SLC30A8: variants seen among roughly 807,000 people sequenced by gnomAD.
SLC30A8 encodes solute carrier family 30 member 8, also known as proton-coupled zinc antiporter SLC30A8.
SLC30A8 carries 27 observed loss-of-function variants against 36.9 expected under a neutral mutation model. The ratio of observed to expected loss-of-function variants is 0.73; its 90% confidence interval spans 0.54 to 1.01. The LOEUF is 1.01. SLC30A8 is among the 50% of genes least tolerant of loss of function. SLC30A8 has a pLI of 0.00. For missense variants in SLC30A8, 439 were observed against 452.0 expected (o/e 0.97, Z 0.26); for synonymous variants, 164 against 172.4 (o/e 0.95, Z 0.38).
chr8:117,046,817 C>T (rs1399659719), intron 2 of SLC30A8, among the ~76,000 whole-genome samples: 2 of 152,228 alleles, frequency 1.3e-5, no homozygotes, highest in African/African-American at 2.4e-5. Flanking sequence ...ATAAATTATG[C>T]CTTCCCATGA....
chr8:117,017,189 A>G (rs1278917737), intron 1 of SLC30A8, among the ~76,000 whole-genome samples: 2 of 152,200 alleles, frequency 1.3e-5, no homozygotes, highest in Non-Finnish European at 2.9e-5. Context: ...CCAGGCACAA[A>G]GTAAATGCAA....
chr8:117,113,616 C>A (rs1409201440), intron 2 of SLC30A8, among the ~76,000 whole-genome samples: 1 of 152,132 alleles, frequency 6.6e-6, no homozygotes, highest in East Asian at 1.9e-4. Flanking sequence ...GCATTCTTAT[C>A]TCTACCATTC....
At chr8:117,152,856 T>C in intron 2 of SLC30A8, 88 bp from the exon 3 acceptor site, 1 of 1,105,616 alleles carries the variant, frequency 9.0e-7, no homozygotes, top group Non-Finnish European at 1.2e-6. Context: ...TGTGAGTCTG[T>C]GGCATTTTCA....
chr8:116,951,855 A>G (rs1814003530), intron 1 of SLC30A8, among the ~76,000 whole-genome samples: 1 of 152,026 alleles, frequency 6.6e-6, no homozygotes, highest in African/African-American at 2.4e-5. Flanking sequence ...GTAGGACAAT[A>G]AACCTGAAAA....
At chr8:117,108,790 A>G (rs572235244) in intron 2 of SLC30A8, among the ~76,000 whole-genome samples, 1 of 152,306 alleles carries the variant, frequency 6.6e-6, no homozygotes. Context: ...TTCAGAATTG[A>G]GCAACAGGAT....
chr8:116,996,116 A>G (rs1362595056), intron 1 of SLC30A8, among the ~76,000 whole-genome samples: 1 of 152,154 alleles, frequency 6.6e-6, no homozygotes, highest in Non-Finnish European at 1.5e-5. Context: ...AAATTCCTTT[A>G]CCATCCACAC....
intron 2 of SLC30A8, among the ~76,000 whole-genome samples, chr8:117,080,120 T>G (rs983791466): frequency 1.3e-5 from 2 of 152,190 alleles, no homozygotes; most frequent in Non-Finnish European, 1.5e-5. Flanking sequence ...CACCCTATCT[T>G]TCTTAACCTG....
intron 2 of SLC30A8, among the ~76,000 whole-genome samples, chr8:117,069,199 C>T (rs1430768154): frequency 6.6e-6 from 1 of 152,006 alleles, no homozygotes; most frequent in African/African-American, 2.4e-5. Flanking sequence ...ATCCCATCTA[C>T]ATTTCAGTTG....
chr8:117,070,212 T>C (rs1001800072), intron 2 of SLC30A8, among the ~76,000 whole-genome samples: 1 of 152,222 alleles, frequency 6.6e-6, no homozygotes, highest in African/African-American at 2.4e-5. Flanking sequence ...AGATTTTTTT[T>C]TCTCTCATGA....
chr8:117,017,307 A>G (rs181501002), intron 1 of SLC30A8, among the ~76,000 whole-genome samples: 1 of 152,270 alleles, frequency 6.6e-6, no homozygotes, highest in East Asian at 1.9e-4. Flanking sequence ...CTTGTGTTCT[A>G]ATATCAACCT....
chr8:116,969,409 T>G (rs1473763287), intron 1 of SLC30A8, among the ~76,000 whole-genome samples: 1 of 152,164 alleles, frequency 6.6e-6, no homozygotes, highest in Non-Finnish European at 1.5e-5. Context: ...TACCTGATGT[T>G]TCTGTGCCTG....
chr8:117,040,350 A>C lies in SLC30A8; in HGVS notation c.-226+1092A>C, dbSNP rs143067742. Among the ~76,000 whole-genome samples, 19 of 152,346 alleles carry C rather than the reference A, an allele frequency of 1.2e-4. 1 individual carries two copies. Among genetic ancestry groups the C allele is most frequent in the Admixed American group, 5.9e-4 (9 of 15,312 alleles). On this transcript the variant is annotated intron_variant, in intron 2 of 10. Coordinates refer to the SLC30A8 transcript ENST00000427715. ...AACATGAGATTCCTTTTGGGTGAGC[A>C]AAATAAAACAGGCCATGCAAAACTA...
Position 117,080,200 on chromosome 8 carries a change from A to G in SLC30A8, c.-226+40942A>G, listed in dbSNP as rs1032365267. 4.6e-5 allele frequency among the ~76,000 whole-genome samples: 7 copies of G among 152,184 alleles called. No individual in the cohort carries two copies. In the South Asian group the frequency reaches 8.3e-4, roughly 18 times the overall value. ...TTTACTCTTGTTTTACAAATAATCC[A>G]TGGTCATTATAGAAAAAGTAGAGCA... is the stretch of plus-strand genomic sequence containing the variant. On this transcript the variant is annotated intron_variant, in intron 2 of 10. Coordinates refer to the SLC30A8 transcript ENST00000427715.
chr8:117,067,298 C>T (rs1193418170), intron 2 of SLC30A8, among the ~76,000 whole-genome samples: 1 of 151,552 alleles, frequency 6.6e-6, no homozygotes, highest in African/African-American at 2.4e-5. Context: ...GGATTTTAGT[C>T]ATATAAATCA....
intron 2 of SLC30A8, among the ~76,000 whole-genome samples, chr8:117,069,581 A>G (rs1818268166): frequency 2.0e-5 from 3 of 152,230 alleles, no homozygotes; most frequent in Admixed American, 2.0e-4. Context: ...AGGTCTGGAT[A>G]ATACATGTCT....
chr8:117,034,253 A>G (rs1319596916), intron 1 of SLC30A8, among the ~76,000 whole-genome samples: 2 of 152,180 alleles, frequency 1.3e-5, no homozygotes, highest in African/African-American at 4.8e-5. Context: ...CATGTACATG[A>G]ACAATAATAA....
chr8:117,159,611 C>T (rs1387170614), intron 4 of SLC30A8, among the ~76,000 whole-genome samples: 1 of 152,198 alleles, frequency 6.6e-6, no homozygotes, highest in African/African-American at 2.4e-5. Flanking sequence ...CACATTGGCA[C>T]TGGGAGAAAA....
intron 1 of SLC30A8, among the ~76,000 whole-genome samples, chr8:116,963,546 T>C (rs1199453887): frequency 6.6e-6 from 1 of 152,258 alleles, no homozygotes; most frequent in East Asian, 1.9e-4. Flanking sequence ...GCTTTTCACT[T>C]AGCATAGTAT....
At chr8:117,098,289 T>TA (rs1394514030) in intron 2 of SLC30A8, among the ~76,000 whole-genome samples, 5 of 151,818 alleles carry the variant, frequency 3.3e-5, no homozygotes, top group African/African-American at 1.2e-4. Context: ...TAGTGTATCA[T>TA]ACATATAAGG....
Sources: gnomAD v4.1 joint callset for allele counts (sites outside exome capture counted in the v4.1 genomes callset) on GRCh38, gnomAD v4.1.1 for gene constraint, MANE v1.5 for transcripts, NCBI Gene and HGNC (gene_info 2026-07-23, HGNC 2026-07-21) for gene names.